Variants in HIVEP3 observed in about 807,000 individuals in gnomAD.
HIVEP3 encodes HIVEP zinc finger 3, also known as transcription factor HIVEP3.
HIVEP3 carries 49 observed loss-of-function variants against 152.8 expected under a neutral mutation model. The ratio of observed to expected loss-of-function variants is 0.32; its 90% CI spans 0.26 to 0.41. HIVEP3 has a LOEUF of 0.41. HIVEP3 is among the 10% of genes least tolerant of loss of function. HIVEP3 has a pLI of 1.00. For synonymous variants in HIVEP3, 1,269 were observed against 1,289.0 expected (o/e 0.98, Z 0.33); for missense variants, 2,790 against 3,103.3 (o/e 0.90, Z 2.40).
chr1:41,573,561 A>G (rs1644282539), intron 5 of HIVEP3, among the ~76,000 whole-genome samples: 1 of 152,194 alleles, frequency 6.6e-6, no homozygotes, highest in South Asian at 2.1e-4. Flanking sequence ...TATCTGACAG[A>G]ACAGATGGGA....
In HIVEP3 at chr1:41,947,599, T is replaced by C. The variant is rs113477059; in HGVS notation, n.120-29075A>G. On this transcript the variant is annotated intron_variant and non_coding_transcript_variant, in intron 1 of 3. Transcript: ENST00000489103. ...GTAAGATGAACACTTGAAGCAGAAG[T>C]GGCTTTCTAGGTCCTAAAGAAGGCC... 8.3e-3 allele frequency among the ~76,000 whole-genome samples: 1,261 copies of C among 152,330 alleles called. 19 individuals are homozygous for C. Among genetic ancestry groups the C allele is most frequent in the African/African-American group, 0.029 (1,217 of 41,574 alleles).
intron 1 of HIVEP3, among the ~76,000 whole-genome samples, chr1:41,763,747 T>C (rs574098215): frequency 4.6e-5 from 7 of 152,386 alleles, no homozygotes; most frequent in Admixed American, 4.6e-4. Flanking sequence ...GTTTGGAGAT[T>C]GTGTTAGTGG....
intron 1 of HIVEP3, among the ~76,000 whole-genome samples, chr1:41,975,161 C>T (rs1645252732): frequency 6.6e-6 from 1 of 152,184 alleles, no homozygotes; most frequent in Non-Finnish European, 1.5e-5. Flanking sequence ...GCTTCCAAGC[C>T]TCCTGTGGGA....
At chr1:41,830,376 T>A (rs1397102317) in intron 1 of HIVEP3, among the ~76,000 whole-genome samples, 1 of 152,208 alleles carries the variant, frequency 6.6e-6, no homozygotes, top group African/African-American at 2.4e-5. Context: ...TGTCCTTCAG[T>A]GGGAGAAACC....
chr1:41,870,757 G>A (rs561975936), intron 1 of HIVEP3, among the ~76,000 whole-genome samples: 1 of 152,332 alleles, frequency 6.6e-6, no homozygotes, highest in African/African-American at 2.4e-5. Flanking sequence ...GACAGAACCT[G>A]CAGGTGTTAT....
chr1:41,663,177 C>T (rs1293543790), intron 2 of HIVEP3, among the ~76,000 whole-genome samples: 1 of 152,254 alleles, frequency 6.6e-6, no homozygotes, highest in African/African-American at 2.4e-5. Context: ...AGATCTCTCT[C>T]CGTGATCTGT....
chr1:41,573,151 A>G (rs958932356), intron 5 of HIVEP3, among the ~76,000 whole-genome samples: 1 of 152,252 alleles, frequency 6.6e-6, no homozygotes, highest in African/African-American at 2.4e-5. Flanking sequence ...GTATTAAAAA[A>G]GAAAGAAAAA....
chr1:41,659,346 T>C (rs191590899), intron 2 of HIVEP3, among the ~76,000 whole-genome samples: 29 of 152,340 alleles, frequency 1.9e-4, no homozygotes, highest in African/African-American at 6.3e-4. Flanking sequence ...ACAGCTTTGT[T>C]TGAGTTTCTT....
Position 41,798,043 on chromosome 1 carries a change from A to G in HIVEP3, c.-800-97048T>C, listed in dbSNP as rs114809561. 5.3e-3 allele frequency among the ~76,000 whole-genome samples: 811 copies of G among 152,290 alleles called. 9 individuals carry two copies. Among genetic ancestry groups the G allele is most frequent in the African/African-American group, 0.019 (782 of 41,554 alleles). On this transcript the variant is annotated intron_variant, in intron 1 of 8. Coordinates refer to ENST00000372583, the MANE Select transcript of HIVEP3 (RefSeq NM_024503.5). ...TTCTCAGCAAACTATTACAGGACAAAAAACCAAACACTGCATGTTCTCACT... is the reference window on the plus strand; with the variant it reads ...TTCTCAGCAAACTATTACAGGACAAGAAACCAAACACTGCATGTTCTCACT...
chr1:42,013,111 GGA>G (rs1319312781), intron 1 of HIVEP3, among the ~76,000 whole-genome samples: 1 of 152,192 alleles, frequency 6.6e-6, no homozygotes, highest in Non-Finnish European at 1.5e-5. Context: ...GCTGAAGGAA[GGA>G]TGTGTTCTAG....
chr1:41,930,100 C>G (rs1490144912), intron 1 of HIVEP3, among the ~76,000 whole-genome samples: 2 of 152,144 alleles, frequency 1.3e-5, no homozygotes, highest in African/African-American at 4.8e-5. Context: ...CAGTTAGATT[C>G]ATTTGTCATA....
chr1:41,665,195 C>G (rs1021476807), intron 2 of HIVEP3, among the ~76,000 whole-genome samples: 3 of 152,194 alleles, frequency 2.0e-5, no homozygotes, highest in Non-Finnish European at 4.4e-5. Context: ...TGGGGGCAGA[C>G]AGCCCTGCTT....
chr1:41,623,919 T>C (rs916154611), intron 3 of HIVEP3, among the ~76,000 whole-genome samples: 2 of 151,884 alleles, frequency 1.3e-5, no homozygotes, highest in African/African-American at 4.8e-5. Flanking sequence ...ACGTGTATGC[T>C]CCCCACCCCC....
At position 41,516,225 on chromosome 1, in the gene HIVEP3, G is replaced by A. The variant is rs1642601859; in HGVS notation, c.5470+2177C>T. On this transcript the variant is annotated intron_variant, in intron 7 of 8. Coordinates refer to ENST00000372583, the MANE Select transcript of HIVEP3 (RefSeq NM_024503.5). ...GGATCCAGGCCAACGCTCCACAAATGAGAGAGCTTGAGCGCGCGGCGGGCG... is the reference window on the plus strand; with the variant it reads ...GGATCCAGGCCAACGCTCCACAAATAAGAGAGCTTGAGCGCGCGGCGGGCG... Among the ~76,000 whole-genome samples the A allele has an allele frequency of 5.3e-5, 2 of 37,956 alleles. 1 individual carries two copies. The highest frequency in any genetic ancestry group is 2.1e-3 in the South Asian group (2 of 936). The allele number at this position is 37,956 out of a possible 152,430, so 24.9% of individuals were successfully genotyped here. A position where few individuals can be genotyped will look rare whatever the true frequency, so the allele number is the denominator to read the frequency against.
intron 3 of HIVEP3, among the ~76,000 whole-genome samples, chr1:41,607,349 A>T (rs1644835876): frequency 6.6e-6 from 1 of 152,200 alleles, no homozygotes; most frequent in African/African-American, 2.4e-5. Context: ...GTCTTCATGC[A>T]TATCCATTGT....
intron 1 of HIVEP3, among the ~76,000 whole-genome samples, chr1:41,846,412 T>C (rs72671260): frequency 0.037 from 5,652 of 152,332 alleles, 147 homozygotes; most frequent in Middle Eastern, 0.068. Flanking sequence ...TGTTGGATTT[T>C]TCATTTAATA....
intron 1 of HIVEP3, among the ~76,000 whole-genome samples, chr1:41,771,597 G>A (rs1469164650): frequency 6.6e-6 from 1 of 152,142 alleles, no homozygotes; most frequent in African/African-American, 2.4e-5. Flanking sequence ...AAGGGGTAAG[G>A]AAGCAGGAGG....
chr1:41,535,108 A>G (rs1233909905), intron 5 of HIVEP3, among the ~76,000 whole-genome samples: 3 of 152,164 alleles, frequency 2.0e-5, no homozygotes, highest in African/African-American at 7.2e-5. Context: ...TGACATGGCC[A>G]AGACCACCCA....
chr1:41,860,738 T>C (rs1001052063), intron 1 of HIVEP3, among the ~76,000 whole-genome samples: 12 of 152,224 alleles, frequency 7.9e-5, no homozygotes, highest in African/African-American at 2.2e-4. Context: ...AGTTTCCTGC[T>C]GGGTCTGGCC....
Sources: allele counts gnomAD v4.1 joint callset (sites outside exome capture counted in the v4.1 genomes callset), GRCh38; gene constraint gnomAD v4.1.1; transcripts MANE v1.5; gene names NCBI Gene and HGNC (gene_info 2026-07-23, HGNC 2026-07-21).